The following SIPA1L3 variants were observed in gnomAD, a reference collection of about 807,000 sequenced individuals.
The protein encoded by SIPA1L3 is signal induced proliferation associated 1 like 3.
In SIPA1L3, 59 loss-of-function variants were observed where a neutral mutation model predicts 150.1. The ratio of observed to expected loss-of-function variants is 0.39; its 90% confidence interval spans 0.32 to 0.49. SIPA1L3 has a LOEUF of 0.49. Ranked by LOEUF, SIPA1L3 falls within the 20% of genes least tolerant of loss-of-function variation. SIPA1L3 has a pLI of 0.86. For missense variants in SIPA1L3, 2,211 were observed against 2,489.5 expected, an observed-to-expected ratio of 0.89 and a Z score of 2.38; for synonymous variants, 1,070 against 1,077.6, an observed-to-expected ratio of 0.99 and a Z score of 0.14.
chr19:37,908,851 A>G (rs1438760312), intron 1 of SIPA1L3, among the ~76,000 whole-genome samples: 3 of 152,084 alleles, frequency 2.0e-5, no homozygotes, highest in African/African-American at 4.8e-5. Flanking sequence ...CAGTGCTTTA[A>G]TTATTGTCCT....
chr19:38,204,343 G>A (rs1973158991), intron 21 of SIPA1L3, 135 bp downstream of exon 21: 1 of 645,654 alleles, frequency 1.5e-6, no homozygotes, highest in Non-Finnish European at 2.7e-6. Flanking sequence ...GTGTAGTCAT[G>A]GGTGAAGAGT....
At chr19:38,184,076 C>T (rs546464627) in intron 16 of SIPA1L3, among the ~76,000 whole-genome samples, 22 of 152,262 alleles carry the variant, frequency 1.4e-4, no homozygotes, top group South Asian at 6.2e-4. Context: ...CTAACATTGC[C>T]TGAGCACTCA....
intron 1 of SIPA1L3, among the ~76,000 whole-genome samples, chr19:38,008,211 A>G (rs963608611): frequency 7.9e-6 from 1 of 126,224 alleles, no homozygotes; most frequent in Non-Finnish European, 1.6e-5. Context: ...AAATCACCAT[A>G]GGCTGCTTTT....
In SIPA1L3 at chr19:37,931,577, T is replaced by C. The variant is rs537396440; in HGVS notation, c.-379+24219T>C. 1.3e-3 allele frequency among the ~76,000 whole-genome samples: 198 copies of C among 149,196 alleles called. 1 individual carries two copies. The highest frequency in any genetic ancestry group is 2.6e-3 in the Non-Finnish European group (177 of 66,936). ...GCGTGGCTAACATGTTGAAACTCCG[T>C]CTTTAATAAAAATAAAAAAAAAAGT... On this transcript the variant is annotated intron_variant, in intron 1 of 21. Coordinates refer to ENST00000222345, the MANE Select transcript of SIPA1L3 (RefSeq NM_015073.3).
At chr19:37,909,963 A>G (rs2046364639) in intron 1 of SIPA1L3, among the ~76,000 whole-genome samples, 1 of 127,916 alleles carries the variant, frequency 7.8e-6, no homozygotes, top group Admixed American at 9.1e-5. Flanking sequence ...GAAGAAGTAA[A>G]GCAGTGGCTT....
chr19:38,117,652 C>G (rs1048263041), intron 8 of SIPA1L3, among the ~76,000 whole-genome samples: 2 of 152,158 alleles, frequency 1.3e-5, no homozygotes, highest in Middle Eastern at 6.8e-3. Flanking sequence ...CTATGGGGTC[C>G]CTCCTGCTGC....
chr19:38,168,063 A>T (rs1160117852), intron 15 of SIPA1L3, among the ~76,000 whole-genome samples: 2 of 152,274 alleles, frequency 1.3e-5, no homozygotes, highest in East Asian at 3.9e-4. Context: ...GCAGATGAGA[A>T]TCAGATAATC....
At chr19:38,146,697 T>G (rs1568575328) in intron 12 of SIPA1L3, among the ~76,000 whole-genome samples, 1 of 152,234 alleles carries the variant, frequency 6.6e-6, no homozygotes, top group Non-Finnish European at 1.5e-5. Context: ...GCGTGAGTGA[T>G]CCGGGTCTCC....
At chr19:38,048,179 T>C (rs928004273) in intron 2 of SIPA1L3, among the ~76,000 whole-genome samples, 2 of 152,220 alleles carry the variant, frequency 1.3e-5, no homozygotes, top group African/African-American at 4.8e-5. Flanking sequence ...GGCTGCTTTG[T>C]GGTTCTCAGT....
chr19:38,068,584 G>T (rs1969649274), intron 2 of SIPA1L3, among the ~76,000 whole-genome samples: 1 of 152,126 alleles, frequency 6.6e-6, no homozygotes, highest in South Asian at 2.1e-4. Context: ...ACTTGGCAGG[G>T]CATGGTGGTT....
intron 16 of SIPA1L3, among the ~76,000 whole-genome samples, chr19:38,183,754 T>C (rs914842236): frequency 6.6e-6 from 1 of 151,750 alleles, no homozygotes; most frequent in Non-Finnish European, 1.5e-5. Context: ...TGAAACCCCT[T>C]GATGTTGAGC....
chr19:37,921,841 A>G (rs148133508), intron 1 of SIPA1L3, among the ~76,000 whole-genome samples: 3,935 of 151,906 alleles, frequency 0.026, 167 homozygotes, highest in African/African-American at 0.089. Flanking sequence ...GGCCTCAAGT[A>G]ATCCTCTTGC....
At chr19:37,958,317 A>G (rs2046828945) in intron 1 of SIPA1L3, among the ~76,000 whole-genome samples, 1 of 152,084 alleles carries the variant, frequency 6.6e-6, no homozygotes, top group Non-Finnish European at 1.5e-5. Flanking sequence ...TTGAGCTACC[A>G]GGGAGGCTGA....
At chr19:38,114,594 G>T (rs895722230) in intron 8 of SIPA1L3, among the ~76,000 whole-genome samples, 1 of 152,154 alleles carries the variant, frequency 6.6e-6, no homozygotes, top group Admixed American at 6.6e-5. Context: ...AAATTTACCT[G>T]GTGTGTGTGG....
chr19:38,146,371 G>T (rs1185690443), intron 12 of SIPA1L3, among the ~76,000 whole-genome samples: 1 of 152,106 alleles, frequency 6.6e-6, no homozygotes, highest in Non-Finnish European at 1.5e-5. Flanking sequence ...GACATTTGGG[G>T]GAGTGCATAT....
intron 4 of SIPA1L3, among the ~76,000 whole-genome samples, chr19:38,096,331 C>A (rs2145850230): frequency 6.6e-6 from 1 of 152,248 alleles, no homozygotes; most frequent in African/African-American, 2.4e-5. Flanking sequence ...CTCACTGCAA[C>A]CTCCGCCTCC....
intron 15 of SIPA1L3, among the ~76,000 whole-genome samples, chr19:38,169,816 G>C (rs1464682640): frequency 1.3e-5 from 2 of 152,206 alleles, no homozygotes; most frequent in Non-Finnish European, 2.9e-5. Context: ...GAGGGGTCAG[G>C]TCAAGATGGG....
At chr19:37,983,189 C>A (rs145487450) in intron 1 of SIPA1L3, among the ~76,000 whole-genome samples, 1,526 of 152,296 alleles carry the variant, frequency 0.01, 35 homozygotes, top group African/African-American at 0.035. Flanking sequence ...CTAAACAGAA[C>A]TTAACTTGCA....
At chr19:37,986,278 A>C (rs564043567) in intron 1 of SIPA1L3, among the ~76,000 whole-genome samples, 2 of 152,370 alleles carry the variant, frequency 1.3e-5, no homozygotes, top group South Asian at 4.1e-4. Flanking sequence ...AGAATGGGAC[A>C]GTAATTCCTG....
Sources: gnomAD v4.1 joint callset for allele counts (sites outside exome capture counted in the v4.1 genomes callset) on GRCh38, gnomAD v4.1.1 for gene constraint, MANE v1.5 for transcripts, NCBI Gene and HGNC (gene_info 2026-07-23, HGNC 2026-07-21) for gene names.